NAT10: variants seen among roughly 807,000 people sequenced by gnomAD.
NAT10 encodes N-acetyltransferase 10, also known as RNA cytidine acetyltransferase.
A neutral mutation model predicts 132.2 loss-of-function variants in NAT10; 109 were observed. That is an observed-to-expected ratio of 0.82 (90% CI 0.71 to 0.97). NAT10 has a LOEUF of 0.97. NAT10 is among the 50% of genes least tolerant of loss of function. NAT10 has a pLI of 0.00. For synonymous variants in NAT10, 479 were observed against 478.0 expected, an observed-to-expected ratio of 1.00 and a Z score of -0.03; for missense variants, 1,184 against 1,263.4, an observed-to-expected ratio of 0.94 and a Z score of 0.95.
chr11:34,107,710 G>C (rs1330901931), intron 1 of NAT10, among the ~76,000 whole-genome samples: 1 of 152,162 alleles, frequency 6.6e-6, no homozygotes, highest in African/African-American at 2.4e-5. Flanking sequence ...GGCAGATTGC[G>C]AGGTCAAGAG....
chr11:34,118,429 A>T lies in NAT10; in HGVS notation c.706A>T (p.Arg236Trp). Residue 236 changes from arginine (R) to tryptophan (W), a missense_variant, in exon 8 of 29, where the codon AGG becomes TGG. Physicochemically the swap from Arg to Trp is moderately radical, Grantham distance 101. Transcript: ENST00000257829. ...ESLGPSDLELRELKESLQDTQ... is the reference protein window; with the variant it reads ...ESLGPSDLELWELKESLQDTQ... Reference sequence around the variant, plus strand: ...TCTTGGTCCTTCTGATCTGGAGCTGAGGGAGTTGAAGGAGAGCTTGCAGGA... The same window carrying T: ...TCTTGGTCCTTCTGATCTGGAGCTGTGGGAGTTGAAGGAGAGCTTGCAGGA... The T allele has an allele frequency of 6.2e-7, 1 of 1,614,038 alleles. No individual in the cohort carries two copies. Among genetic ancestry groups the T allele is most frequent in the Non-Finnish European group, 8.5e-7 (1 of 1,180,006 alleles).
At position 34,141,142 on chromosome 11, in the gene NAT10, G is replaced by C; in HGVS notation, c.2646G>C (p.Lys882Asn). Reference protein sequence around the residue: ...LQHKSVDQLEKEIELPSGQLM... With the variant: ...LQHKSVDQLENEIELPSGQLM... ...ATAAGTCTGTGGACCAGCTGGAAAA[G>C]GAGATTGAGCTGCCCTCGGGCCAGT... The change falls in exon 25 of 29, where the codon AAG becomes AAC. Residue 882 changes from lysine (K) to asparagine (N), a missense_variant. Transcript: ENST00000257829. 6.2e-7 allele frequency: 1 copy of C among 1,614,070 alleles called. No individual in the cohort carries two copies. Among genetic ancestry groups the C allele is most frequent in the African/African-American group, 1.3e-5 (1 of 75,012 alleles).
chr11:34,132,101 T>G (rs750048040), intron 14 of NAT10, 24 bp from the exon 15 acceptor site: 2 of 1,564,510 alleles, frequency 1.3e-6, no homozygotes, highest in Non-Finnish European at 8.8e-7. Context: ...TTGTTTTGTT[T>G]TGGTTTCTTA....
chr11:34,109,268 TTCCTC>T (rs1279187073), intron 3 of NAT10, among the ~76,000 whole-genome samples: 1 of 152,170 alleles, frequency 6.6e-6, no homozygotes, highest in Admixed American at 6.6e-5. Flanking sequence ...TGTATTGTCT[TTCCTC>T]TGCTGGCCAC....
rs1852281685 is a variant in NAT10, at chr11:34,139,422, G to A, written c.2346G>A (p.Gln782=). 1 of 1,614,190 alleles carries A rather than the reference G, an allele frequency of 6.2e-7. No individual in the cohort carries two copies. Among genetic ancestry groups the A allele is most frequent in the Non-Finnish European group, 8.5e-7 (1 of 1,180,044 alleles). ...RRRFLALLSY[Q]FSTFSPSLAL... ...GGTTCCTAGCCTTGCTCTCCTACCA[G>A]TTCAGTACCTTCTCTCCTTCCCTGG... The change falls in exon 23 of 29, where the codon CAG becomes CAA. Residue 782 remains glutamine (Q), a synonymous_variant. Coordinates refer to ENST00000257829, the MANE Select transcript of NAT10 (RefSeq NM_024662.3).
chr11:34,118,068 T>C (rs1851814975), intron 6 of NAT10, 112 bp from the exon 7 acceptor site: 1 of 815,954 alleles, frequency 1.2e-6, no homozygotes, highest in Non-Finnish European at 1.9e-6. Flanking sequence ...TAGCTTTTTC[T>C]GGCTTTCTTA....
chr11:34,124,173 A>AG (rs1240297668), intron 10 of NAT10, 129 bp from the exon 11 acceptor site: 1 of 662,822 alleles, frequency 1.5e-6, no homozygotes, highest in Non-Finnish European at 2.5e-6. Context: ...AAAAAAAAAA[A>AG]GGATTTTTAT....
intron 3 of NAT10, among the ~76,000 whole-genome samples, chr11:34,111,219 C>A (rs1160010701): frequency 6.6e-6 from 1 of 152,202 alleles, no homozygotes; most frequent in Non-Finnish European, 1.5e-5. Flanking sequence ...CTTAGTCTGG[C>A]AGAGCATTGT....
intron 13 of NAT10, 139 bp from the exon 14 acceptor site, chr11:34,131,242 A>C: frequency 1.6e-6 from 2 of 1,270,276 alleles, no homozygotes; most frequent in Non-Finnish European, 2.1e-6. Flanking sequence ...AACAATTTTA[A>C]ACCACCCAGT....
At position 34,108,812 on chromosome 11, in the gene NAT10, A is replaced by G. The variant is rs150022391; in HGVS notation, c.179A>G (p.Lys60Arg). 28 of 1,613,976 alleles carry G rather than the reference A, an allele frequency of 1.7e-5. No homozygotes were observed. The highest frequency in any genetic ancestry group is 2.4e-5 in the Non-Finnish European group (28 of 1,179,948). The change falls in exon 3 of 29, where the codon AAG (lysine) becomes AGG (arginine). Residue 60 changes from lysine to arginine, a missense_variant. Transcript: ENST00000257829. Reference protein sequence around the residue: ...KARPSVLWCYKKELGFSSHRK... With the variant: ...KARPSVLWCYRKELGFSSHRK... Reference sequence around the variant, plus strand: ...CGGCCTTCAGTGCTGTGGTGTTATAAGAAAGAGCTGGGGTTTAGCAGGTAA... The same window carrying G: ...CGGCCTTCAGTGCTGTGGTGTTATAGGAAAGAGCTGGGGTTTAGCAGGTAA...
chr11:34,132,985 A>G (rs769020641), intron 15 of NAT10, 41 bp from the exon 16 acceptor site: 18 of 1,515,450 alleles, frequency 1.2e-5, no homozygotes, highest in Non-Finnish European at 1.7e-5. Flanking sequence ...AAAGGGCAAG[A>G]GGAAGAGTGC....
In NAT10 at chr11:34,115,378, C is replaced by T. The variant is rs190396011; in HGVS notation, c.496-445C>T. On this transcript the variant is annotated intron_variant, in intron 5 of 28. Transcript: ENST00000257829. ...CTCAGCTTATCTCAGAGAGGCCCTCCCTCACTACCCTACATAAGTGACCCC... is the reference window on the plus strand; with the variant it reads ...CTCAGCTTATCTCAGAGAGGCCCTCTCTCACTACCCTACATAAGTGACCCC... 2.0e-5 allele frequency among the ~76,000 whole-genome samples: 3 copies of T among 152,284 alleles called. No individual in the cohort carries two copies. The East Asian group carries it at 5.8e-4, about 29-fold the overall frequency.
intron 2 of NAT10, 54 bp from the exon 3 acceptor site, chr11:34,108,688 C>G: frequency 6.7e-7 from 1 of 1,501,286 alleles, no homozygotes; most frequent in Non-Finnish European, 9.1e-7. Context: ...TTAAGCCTGG[C>G]GGTCTCTAAA....
rs774198862 is a variant in NAT10, at chr11:34,131,387, C to T, written c.1376C>T (p.Thr459Ile). ...GTGTGATTGTGGGGAGCAGCGCGGA[C>T]ACTGTATGAGGTTTCCCTCCAGGAG... is the stretch of plus-strand genomic sequence containing the variant. ...TTTARLASAR[T>I]LYEVSLQESI... The change falls in exon 14 of 29, where the codon ACA (threonine) becomes ATA (isoleucine). Residue 459 changes from threonine (T) to isoleucine (I), a missense_variant. Transcript: ENST00000257829. The T allele has an allele frequency of 2.5e-6, 4 of 1,612,536 alleles. No individual in the cohort carries two copies. The highest frequency in any genetic ancestry group is 1.1e-5 in the South Asian group (1 of 90,852).
At chr11:34,113,414 G>T (rs568609652) in intron 4 of NAT10, among the ~76,000 whole-genome samples, 3 of 152,182 alleles carry the variant, frequency 2.0e-5, no homozygotes, top group Admixed American at 6.5e-5. Context: ...ACCCCTGTGT[G>T]TGTATCCTGG....
At chr11:34,111,650 T>C (rs1402551754) in intron 3 of NAT10, among the ~76,000 whole-genome samples, 1 of 152,226 alleles carries the variant, frequency 6.6e-6, no homozygotes, top group Non-Finnish European at 1.5e-5. Context: ...TGCCATCACC[T>C]TGTCTTTCCT....
intron 19 of NAT10, among the ~76,000 whole-genome samples, chr11:34,136,328 C>T (rs1005914138): frequency 1.1e-4 from 16 of 152,064 alleles, no homozygotes; most frequent in African/African-American, 3.4e-4. Context: ...GTGATCCACC[C>T]GCCTCAGTCT....
Position 34,105,714 on chromosome 11 carries a change from C to T in NAT10, c.-94C>T, listed in dbSNP as rs138370978. 13 of 152,504 alleles carry T rather than the reference C, an allele frequency of 8.5e-5. No individual in the cohort carries two copies. In the East Asian group the frequency reaches 2.5e-3, roughly 29 times the overall value. The allele number at this position is 152,504 out of a possible 1,614,324, so 9.4% of individuals were successfully genotyped here. A position where few individuals can be genotyped will look rare whatever the true frequency, so the allele number is the denominator to read the frequency against. On this transcript the variant is annotated 5_prime_UTR_variant, in exon 1 of 29. Transcript: ENST00000257829. ...ATACGCTAGGGGCAGTCAGCTGTGCCTTCTCTTTCGGAGTTGTTCCGTGCT... is the reference window on the plus strand; with the variant it reads ...ATACGCTAGGGGCAGTCAGCTGTGCTTTCTCTTTCGGAGTTGTTCCGTGCT...
At chr11:34,114,118 A>G (rs1485019814) in intron 5 of NAT10, among the ~76,000 whole-genome samples, 4 of 152,130 alleles carry the variant, frequency 2.6e-5, no homozygotes, top group African/African-American at 9.7e-5. Context: ...TATGTAGTTA[A>G]ATTTTCTGGA....
Sources: gnomAD v4.1 joint callset for allele counts (sites outside exome capture counted in the v4.1 genomes callset) on GRCh38, gnomAD v4.1.1 for gene constraint, MANE v1.5 for transcripts, NCBI Gene and HGNC (gene_info 2026-07-23, HGNC 2026-07-21) for gene names.